Variants in COL14A1 observed in about 807,000 individuals in gnomAD.
COL14A1 encodes the protein collagen type XIV alpha 1 chain.
Under a neutral mutation model 230.3 loss-of-function variants are expected in COL14A1, and 136 were observed. The observed-to-expected ratio is 0.59, with a 90% confidence interval of 0.51 to 0.68. The LOEUF (loss-of-function observed/expected upper bound fraction) is 0.68. Among genes scored for constraint, COL14A1 ranks in the 30% least tolerant of loss-of-function variants. The probability of loss-of-function intolerance (pLI) is 0.00; values close to 1 mark genes in which losing one functional copy is unlikely to be tolerated. For synonymous variants in COL14A1, 792 were observed against 784.1 expected (o/e 1.01, Z -0.17); for missense variants, 1,976 against 2,215.8 (o/e 0.89, Z 2.17).
At chr8:120,236,326 T>C (rs1818443312) in intron 19 of COL14A1, among the ~76,000 whole-genome samples, 2 of 152,212 alleles carry the variant, frequency 1.3e-5, no homozygotes, top group Non-Finnish European at 2.9e-5. Context: ...ATATTTAGGA[T>C]AGTTAGCTCC....
chr8:120,217,550 T>C (rs1445594513), intron 14 of COL14A1, among the ~76,000 whole-genome samples: 1 of 152,172 alleles, frequency 6.6e-6, no homozygotes, highest in Non-Finnish European at 1.5e-5. Flanking sequence ...CAAGCAATAT[T>C]TTACAAAATG....
At chr8:120,332,764 T>G in intron 42 of COL14A1, 29 bp downstream of exon 42, 1 of 1,569,236 alleles carries the variant, frequency 6.4e-7, no homozygotes, top group Non-Finnish European at 8.7e-7. Context: ...CTGCTCAGAA[T>G]GTAGGCCCAG....
intron 1 of COL14A1, among the ~76,000 whole-genome samples, chr8:120,136,139 T>A (rs1372831470): frequency 6.6e-6 from 1 of 152,124 alleles, no homozygotes; most frequent in Non-Finnish European, 1.5e-5. Flanking sequence ...TCTAGTACAG[T>A]GTTGAGTGGA....
At chr8:120,328,331 T>C (rs1339342209) in intron 40 of COL14A1, among the ~76,000 whole-genome samples, 1 of 151,968 alleles carries the variant, frequency 6.6e-6, no homozygotes, top group East Asian at 1.9e-4. Flanking sequence ...CCTTCCGGGC[T>C]CAAGCAATCC....
At chr8:120,194,375 A>T (rs1459138588) in intron 5 of COL14A1, among the ~76,000 whole-genome samples, 1 of 152,144 alleles carries the variant, frequency 6.6e-6, no homozygotes, top group East Asian at 1.9e-4. Context: ...AGTAATTTTT[A>T]ATGGTGTCAT....
chr8:120,319,137 T>G (rs1298669573), intron 40 of COL14A1, among the ~76,000 whole-genome samples: 1 of 152,014 alleles, frequency 6.6e-6, no homozygotes, highest in Non-Finnish European at 1.5e-5. Context: ...TATTTTTGCC[T>G]TCTCTTGTTT....
At chr8:120,346,353 A>G (rs112930661) in intron 45 of COL14A1, among the ~76,000 whole-genome samples, 1 of 152,206 alleles carries the variant, frequency 6.6e-6, no homozygotes. Context: ...TCAGGGTTGC[A>G]TGTTAACCGT....
intron 1 of COL14A1, among the ~76,000 whole-genome samples, chr8:120,137,220 C>G (rs1031787276): frequency 1.3e-5 from 2 of 151,966 alleles, no homozygotes; most frequent in Non-Finnish European, 2.9e-5. Context: ...TAGTTTATTT[C>G]CAAGTAAGCT....
chr8:120,310,090 T>C (rs1418544279), intron 37 of COL14A1, 28 bp downstream of exon 37: 10 of 1,609,752 alleles, frequency 6.2e-6, no homozygotes, highest in Non-Finnish European at 8.5e-6. Context: ...TCTCTCTCTC[T>C]GTCTCATCTC....
intron 40 of COL14A1, among the ~76,000 whole-genome samples, chr8:120,318,869 T>C (rs1821329723): frequency 6.6e-6 from 1 of 152,122 alleles, no homozygotes; most frequent in Non-Finnish European, 1.5e-5. Flanking sequence ...GGCTCCACTG[T>C]CCAAAAAATC....
chr8:120,263,836 T>G (rs17833457), intron 24 of COL14A1, among the ~76,000 whole-genome samples: 20,254 of 152,142 alleles, frequency 0.13, 1,473 homozygotes, highest in Non-Finnish European at 0.16. Context: ...CAGAGGGAAA[T>G]CATGCACATG....
intron 26 of COL14A1, among the ~76,000 whole-genome samples, chr8:120,273,485 A>T (rs1248838353): frequency 6.6e-6 from 1 of 151,924 alleles, no homozygotes; most frequent in African/African-American, 2.4e-5. Context: ...GCAATAAAAA[A>T]GATCAATGAA....
intron 34 of COL14A1, among the ~76,000 whole-genome samples, chr8:120,295,526 T>C (rs891470427): frequency 7.2e-5 from 11 of 151,844 alleles, no homozygotes; most frequent in African/African-American, 2.7e-4. Flanking sequence ...ATTGTTGTTG[T>C]TATTTACTAA....
chr8:120,282,147 T>C (rs1233050049), intron 31 of COL14A1, among the ~76,000 whole-genome samples: 2 of 152,162 alleles, frequency 1.3e-5, no homozygotes, highest in Non-Finnish European at 2.9e-5. Flanking sequence ...TGGAATACTA[T>C]GCAGCCATAA....
intron 38 of COL14A1, 71 bp from the exon 39 acceptor site, chr8:120,315,462 T>C (rs1240316717): frequency 4.2e-6 from 5 of 1,183,076 alleles, no homozygotes; most frequent in Admixed American, 3.8e-5. Context: ...ATTTAAATAA[T>C]GAGAGAAGGA....
intron 4 of COL14A1, among the ~76,000 whole-genome samples, chr8:120,167,586 T>C (rs1232272557): frequency 6.6e-6 from 1 of 152,224 alleles, no homozygotes; most frequent in Non-Finnish European, 1.5e-5. Context: ...TTTTGGTCCT[T>C]GAACATTTTC....
intron 15 of COL14A1, among the ~76,000 whole-genome samples, chr8:120,225,682 A>G (rs1818072579): frequency 6.6e-6 from 1 of 152,166 alleles, no homozygotes; most frequent in African/African-American, 2.4e-5. Flanking sequence ...ATAATAAGTA[A>G]TATTTTAAAC....
intron 29 of COL14A1, 151 bp downstream of exon 29, chr8:120,280,250 C>A: frequency 2.2e-6 from 2 of 913,874 alleles, no homozygotes; most frequent in Admixed American, 2.7e-5. Context: ...TGGCTTTGAG[C>A]ATATGGAAAT....
At position 120,199,517 on chromosome 8, in the gene COL14A1, T is replaced by C. The variant is rs1377064123; in HGVS notation, c.828T>C (p.Ile276=). The C allele has an allele frequency of 5.0e-6, 8 of 1,613,262 alleles. No individual in the cohort carries two copies. The highest frequency in any genetic ancestry group is 1.7e-4 in the Middle Eastern group (1 of 6,056). Residue 276 remains isoleucine, a synonymous_variant, in exon 8 of 48, where the codon ATT becomes ATC. Coordinates refer to ENST00000297848, the MANE Select transcript of COL14A1 (RefSeq NM_021110.4). The stretch of plus-strand genomic sequence containing the variant: ...ATGGAAAATCCCAAGATGACATTAT[T>C]CCACCATCTAGAAATCTTCGTGAGT... ...ITDGKSQDDI[I]PPSRNLRESG...
Sources: allele counts gnomAD v4.1 joint callset (sites outside exome capture counted in the v4.1 genomes callset), GRCh38; gene constraint gnomAD v4.1.1; transcripts MANE v1.5; gene names NCBI Gene and HGNC (gene_info 2026-07-23, HGNC 2026-07-21).